The following REXO5 variants were observed in gnomAD, a reference collection of about 807,000 sequenced individuals.
REXO5 encodes RNA exonuclease 5.
In REXO5, 48 loss-of-function variants were observed where a neutral mutation model predicts 88.5. That is an observed-to-expected ratio of 0.54 (90% CI 0.43 to 0.69). The LOEUF (loss-of-function observed/expected upper bound fraction) is 0.69, where lower values mean the gene tolerates loss of function less well. Among genes scored for constraint, REXO5 ranks in the 30% least tolerant of loss-of-function variants. The pLI is 0.00. For missense variants in REXO5, 749 were observed against 912.2 expected (o/e 0.82, Z 2.30); for synonymous variants, 311 against 336.5 (o/e 0.92, Z 0.83).
chr16:20,845,812 G>A (rs549069685), intron 18 of REXO5, among the ~76,000 whole-genome samples: 1 of 152,186 alleles, frequency 6.6e-6, no homozygotes, highest in East Asian at 1.9e-4. Flanking sequence ...GTAAATGGCT[G>A]AAGCTTGGGA....
chr16:20,829,558 AAT>A (rs1221491069), intron 11 of REXO5, among the ~76,000 whole-genome samples: 1 of 152,232 alleles, frequency 6.6e-6, no homozygotes, highest in Non-Finnish European at 1.5e-5. Flanking sequence ...TAACAGCCAG[AAT>A]AGTCTTTTGT....
intron 11 of REXO5, among the ~76,000 whole-genome samples, chr16:20,831,192 T>C (rs548108488): frequency 6.6e-6 from 1 of 152,018 alleles, no homozygotes; most frequent in Admixed American, 6.5e-5. Context: ...AAGAACATCA[T>C]TGTTTTAGGT....
chr16:20,844,616 T>G lies in REXO5; in HGVS notation c.1720-13T>G. Reference sequence around the variant, plus strand: ...TTGATTTTCTACCACTAACACCAACTTTCCTTGGTTAGGTGCAGAGGCCTG... The same window carrying G: ...TTGATTTTCTACCACTAACACCAACGTTCCTTGGTTAGGTGCAGAGGCCTG... On this transcript the variant is annotated splice_polypyrimidine_tract_variant and intron_variant, in intron 16 of 19. Transcript: ENST00000261377. 6.2e-7 allele frequency: 1 copy of G among 1,612,872 alleles called. No homozygotes were observed. The highest frequency in any genetic ancestry group is 8.5e-7 in the Non-Finnish European group (1 of 1,179,004).
intron 19 of REXO5, among the ~76,000 whole-genome samples, 175 bp downstream of exon 19, chr16:20,846,514 T>G (rs974342267): frequency 6.6e-6 from 1 of 152,254 alleles, no homozygotes; most frequent in Non-Finnish European, 1.5e-5. Flanking sequence ...ATTTATATGC[T>G]CTTGTATAAC....
intron 3 of REXO5, among the ~76,000 whole-genome samples, chr16:20,814,410 T>C (rs2152500762): frequency 6.6e-6 from 1 of 152,254 alleles, no homozygotes; most frequent in Non-Finnish European, 1.5e-5. Context: ...CTAATTTTTT[T>C]GTATTTTTTT....
rs1475661907 is a variant in REXO5, at chr16:20,832,174, G to A, written c.1177G>A (p.Glu393Lys). 1 of 1,608,930 alleles carries A rather than the reference G, an allele frequency of 6.2e-7. No homozygotes were observed. Among genetic ancestry groups the A allele is most frequent in the Non-Finnish European group, 8.5e-7 (1 of 1,177,466 alleles). Residue 393 changes from glutamate to lysine, a missense_variant, in exon 12 of 20, where the codon GAA becomes AAA. Transcript: ENST00000261377. ...GPKKIAELNL[E>K]ALANHQEIQA... is the part of the protein sequence containing the mutation. ...CTTCAAGATTGCAGAACTAAATCTA[G>A]AAGCACTAGCTAATCACCAAGAAAT...
At chr16:20,807,714 C>A (rs1237582428) in intron 2 of REXO5, among the ~76,000 whole-genome samples, 2 of 140,090 alleles carry the variant, frequency 1.4e-5, no homozygotes, top group Admixed American at 7.4e-5. Flanking sequence ...CCAGCCTGGG[C>A]AATATAGCAA....
At position 20,806,897 on chromosome 16, in the gene REXO5, G is replaced by A. The variant is rs190537811; in HGVS notation, c.-2-55G>A. On this transcript the variant is annotated intron_variant, in intron 1 of 19. Transcript: ENST00000261377. ...TAGCTCTCCCGCTAGGAGGCGGCAC[G>A]CGGGGGAATAGGGGCGCTGGAGTTT... 8.5e-4 allele frequency: 1,295 copies of A among 1,531,426 alleles called. 9 individuals are homozygous for A. In the African/African-American group the frequency reaches 0.015, roughly 18 times the overall value. 94.9% of individuals were successfully genotyped at this position (1,531,426 alleles called of 1,614,324 possible). A position where few individuals can be genotyped will look rare whatever the true frequency, so the allele number is the denominator to read the frequency against.
At chr16:20,824,071 G>C (rs1283145628) in intron 6 of REXO5, among the ~76,000 whole-genome samples, 1 of 152,114 alleles carries the variant, frequency 6.6e-6, no homozygotes, top group Non-Finnish European at 1.5e-5. Context: ...ACAGTTATTT[G>C]CATACTTTAT....
chr16:20,840,170 C>A, intron 14 of REXO5, 161 bp from the exon 15 acceptor site: 1 of 579,474 alleles, frequency 1.7e-6, no homozygotes, highest in Non-Finnish European at 2.9e-6. Flanking sequence ...GTGCTTTATA[C>A]ATTTTTGCTA....
chr16:20,839,697 A>C, intron 13 of REXO5, 58 bp from the exon 14 acceptor site: 1 of 1,134,280 alleles, frequency 8.8e-7, no homozygotes, highest in Non-Finnish European at 1.3e-6. Flanking sequence ...GCTCATATCC[A>C]GGAGCCACAA....
At chr16:20,826,107 A>G (rs2081256857) in intron 8 of REXO5, among the ~76,000 whole-genome samples, 159 bp downstream of exon 8, 1 of 152,242 alleles carries the variant, frequency 6.6e-6, no homozygotes. Context: ...CTGAAATTGC[A>G]CAATGTCAGT....
intron 7 of REXO5, among the ~76,000 whole-genome samples, chr16:20,824,945 G>C (rs2081238697): frequency 6.6e-6 from 1 of 152,018 alleles, no homozygotes; most frequent in Non-Finnish European, 1.5e-5. Context: ...GTAGGCAGAG[G>C]TTGCAGTGAG....
intron 15 of REXO5, among the ~76,000 whole-genome samples, chr16:20,842,500 A>G (rs1213966330): frequency 1.5e-5 from 2 of 137,740 alleles, no homozygotes; most frequent in Non-Finnish European, 1.5e-5. Flanking sequence ...TTTTTTTGAG[A>G]TAGGGTCTTG....
upstream of REXO5, chr16:20,806,427 C>G (rs1438475156): frequency 3.9e-6 from 6 of 1,553,078 alleles, no homozygotes; most frequent in Non-Finnish European, 5.2e-6. Context: ...CGCTTGGTCG[C>G]CATTCCCGAC....
chr16:20,827,266 C>T (rs899041888), intron 9 of REXO5, 70 bp downstream of exon 9: 8 of 1,606,318 alleles, frequency 5.0e-6, no homozygotes, highest in East Asian at 4.5e-5. Flanking sequence ...AATCTAAAGT[C>T]TTGGGCTCTT....
At chr16:20,843,685 ATAT>A (rs2081563840) in intron 15 of REXO5, among the ~76,000 whole-genome samples, 1 of 152,252 alleles carries the variant, frequency 6.6e-6, no homozygotes. Flanking sequence ...TGCATAATAA[ATAT>A]TATGAAAAGC....
At chr16:20,827,727 CATACTT>C (rs1255760404) in intron 10 of REXO5, among the ~76,000 whole-genome samples, 4 of 152,154 alleles carry the variant, frequency 2.6e-5, no homozygotes, top group Admixed American at 1.3e-4. Context: ...GGTAGTATAA[CATACTT>C]ATACTGTCCT....
chr16:20,832,149 C>A lies in REXO5; in HGVS notation c.1159-7C>A. On this transcript the variant is annotated splice_region_variant and splice_polypyrimidine_tract_variant and intron_variant, in intron 11 of 19. Transcript: ENST00000261377. ...AATTATATTTTTACCACTTTGTTTT[C>A]TTCAAGATTGCAGAACTAAATCTAG... is the stretch of plus-strand genomic sequence containing the variant. The A allele has an allele frequency of 6.3e-7, 1 of 1,577,274 alleles. No homozygotes were observed. Among genetic ancestry groups the A allele is most frequent in the Non-Finnish European group, 8.7e-7 (1 of 1,154,040 alleles).
Sources: allele counts gnomAD v4.1 joint callset (sites outside exome capture counted in the v4.1 genomes callset), GRCh38; gene constraint gnomAD v4.1.1; transcripts MANE v1.5; gene names NCBI Gene and HGNC (gene_info 2026-07-23, HGNC 2026-07-21).